Variants in ZNF710 observed in about 807,000 individuals in gnomAD.
ZNF710 encodes zinc finger protein 710.
ZNF710 carries 13 observed loss-of-function variants against 50.6 expected under a neutral mutation model. The observed-to-expected ratio is 0.26, with a 90% CI of 0.17 to 0.41. The LOEUF (loss-of-function observed/expected upper bound fraction) is 0.41, where lower values mean the gene tolerates loss of function less well. Among genes scored for constraint, ZNF710 ranks in the 10% least tolerant of loss-of-function variants. ZNF710 has a pLI of 1.00. For missense variants in ZNF710, 721 were observed against 936.6 expected (o/e 0.77, Z 3.01); for synonymous variants, 383 against 397.0 (o/e 0.96, Z 0.42).
chr15:90,068,269 C>T lies in ZNF710; in HGVS notation c.1132C>T (p.Pro378Ser). 6.2e-7 allele frequency: 1 copy of T among 1,613,224 alleles called. No individual in the cohort carries two copies. Among genetic ancestry groups the T allele is most frequent in the African/African-American group, 1.3e-5 (1 of 75,074 alleles). Reference sequence around the variant, plus strand: ...CATGCTGCTGCACTCGGAGGTCAAGCCCTACAGCTGCCACTTCTGCGGCCG... The same window carrying T: ...CATGCTGCTGCACTCGGAGGTCAAGTCCTACAGCTGCCACTTCTGCGGCCG... The part of the protein sequence containing the change: ...RHMLLHSEVK[P>S]YSCHFCGRGF... Residue 378 changes from proline to serine, a missense_variant, in exon 2 of 5, where the codon CCC (proline) becomes TCC (serine). By Grantham distance (74) the Pro-to-Ser change is moderately conservative (BLOSUM62 -1). This residue lies in a region of ZNF710 where 326 missense variants were observed against 522.0 expected (regional missense o/e 0.62). Coordinates refer to ENST00000268154, the MANE Select transcript of ZNF710 (RefSeq NM_198526.4). The surrounding 1 kb of genome is among the most constrained non-coding windows in gnomAD (Gnocchi z 5.0).
rs1567242325 is a variant in ZNF710 at position 90,068,160 on chromosome 15, CCTG to C, written c.1027_1029del (p.Leu343del). On this transcript the variant is annotated inframe_deletion, in exon 2 of 5. Transcript: ENST00000268154. The surrounding 1 kb of genome is among the most constrained non-coding windows in gnomAD (Gnocchi z 5.0). ...AGCAGCCCAGCCACCTGCAGACGCA[CCTG>C]CTGACGCACCAGGGCACCCGGCCCC... The C allele has an allele frequency of 6.2e-7, 1 of 1,614,224 alleles. No individual in the cohort carries two copies.
Position 90,068,068 on chromosome 15 carries a change from G to T in ZNF710, c.931G>T (p.Val311Leu). 6.2e-7 allele frequency: 1 copy of T among 1,614,246 alleles called. No individual in the cohort carries two copies. Among genetic ancestry groups the T allele is most frequent in the Non-Finnish European group, 8.5e-7 (1 of 1,180,046 alleles). The part of the protein sequence containing the change: ...EKSYTSKYNL[V>L]THILGHNGIK... Reference sequence around the variant, plus strand: ...GTCCTACACGTCCAAGTACAACCTGGTGACGCACATCCTGGGCCACAACGG... The same window carrying T: ...GTCCTACACGTCCAAGTACAACCTGTTGACGCACATCCTGGGCCACAACGG... Residue 311 changes from valine to leucine, a missense_variant, in exon 2 of 5, where the codon GTG becomes TTG. By Grantham distance (32) the Val-to-Leu change is conservative. Coordinates refer to ENST00000268154, the MANE Select transcript of ZNF710 (RefSeq NM_198526.4). The surrounding 1 kb of genome is among the most constrained non-coding windows in gnomAD (Gnocchi z 5.0).
At chr15:90,038,904 T>G (rs1002862574) in intron 1 of ZNF710, among the ~76,000 whole-genome samples, 1 of 152,222 alleles carries the variant, frequency 6.6e-6, no homozygotes, top group African/African-American at 2.4e-5. Context: ...TCTTTGGCTG[T>G]CTGTCCCTGT....
At chr15:90,022,651 G>A (rs1317094341) in intron 1 of ZNF710, among the ~76,000 whole-genome samples, 1 of 152,188 alleles carries the variant, frequency 6.6e-6, no homozygotes, top group Non-Finnish European at 1.5e-5. Flanking sequence ...ATCCCTATGG[G>A]GAAATCCCTT....
chr15:90,021,050 G>A (rs1880568943), intron 1 of ZNF710, among the ~76,000 whole-genome samples: 1 of 150,114 alleles, frequency 6.7e-6, no homozygotes, highest in Non-Finnish European at 1.5e-5. Flanking sequence ...CAGCTCCAAG[G>A]GTGAGGGTTT....
rs1024202820 is a variant in ZNF710 at position 90,034,602 on chromosome 15, C to A, written c.-28-32508C>A. ...CTCCCTAGCAGCAGGGGAAGCCTGG[C>A]AGCTTGGCTGAGCCTCCTCCGGCCT... On this transcript the variant is annotated intron_variant, in intron 1 of 4. Transcript: ENST00000268154. The surrounding 1 kb of genome is among the most constrained non-coding windows in gnomAD (Gnocchi z 4.0). 1.3e-5 allele frequency among the ~76,000 whole-genome samples: 2 copies of A among 152,090 alleles called. No individual in the cohort carries two copies. The highest frequency in any genetic ancestry group is 2.9e-5 in the Non-Finnish European group (2 of 68,006).
chr15:90,060,833 G>A (rs2151518575), intron 1 of ZNF710, among the ~76,000 whole-genome samples: 1 of 152,288 alleles, frequency 6.6e-6, no homozygotes, highest in East Asian at 1.9e-4. Flanking sequence ...TCCAGACTGA[G>A]CAACAGAGCA....
intron 1 of ZNF710, among the ~76,000 whole-genome samples, chr15:90,003,034 C>T (rs1441842553): frequency 6.6e-6 from 1 of 152,170 alleles, no homozygotes; most frequent in Admixed American, 6.5e-5. Context: ...CCACCACGCC[C>T]GTTTAATTTT....
chr15:90,078,134 C>A (rs767402639), intron 4 of ZNF710, among the ~76,000 whole-genome samples: 1 of 150,874 alleles, frequency 6.6e-6, no homozygotes, highest in Non-Finnish European at 1.5e-5. Flanking sequence ...TCGCTTGACC[C>A]CAGGAGGTGG....
intron 1 of ZNF710, among the ~76,000 whole-genome samples, chr15:90,013,531 G>A (rs1898370304): frequency 6.6e-6 from 1 of 152,136 alleles, no homozygotes; most frequent in South Asian, 2.1e-4. Flanking sequence ...TACCTGAAGG[G>A]CCTACAGATG....
At chr15:90,028,833 C>A (rs7171721) in intron 1 of ZNF710, among the ~76,000 whole-genome samples, 2 of 151,850 alleles carry the variant, frequency 1.3e-5, no homozygotes, top group African/African-American at 4.8e-5. Context: ...TGGAAAATTG[C>A]TTGTGGCATC....
intron 1 of ZNF710, among the ~76,000 whole-genome samples, chr15:90,024,799 C>T (rs1898726487): frequency 1.3e-5 from 2 of 152,202 alleles, no homozygotes; most frequent in Admixed American, 1.3e-4. Context: ...ACCTCCTCTC[C>T]TGAGCTGCCG....
At chr15:90,042,116 T>C (rs185907032) in intron 1 of ZNF710, among the ~76,000 whole-genome samples, 332 of 152,090 alleles carry the variant, frequency 2.2e-3, no homozygotes, top group African/African-American at 7.7e-3. Flanking sequence ...CAGGCTGGCT[T>C]GAACTCCTGA....
In ZNF710 at chr15:90,066,618, G is replaced by A. The variant is rs144072375; in HGVS notation, c.-28-492G>A. Among the ~76,000 whole-genome samples, 269 of 151,896 alleles carry A rather than the reference G, an allele frequency of 1.8e-3. 2 individuals are homozygous for A. The highest frequency in any genetic ancestry group is 6.2e-3 in the African/African-American group (259 of 41,442). The stretch of plus-strand genomic sequence containing the variant: ...TCAGCCTCCTATAGCTGGGATTACA[G>A]GTGCCGGCCACCACGCCCAGCTAAT... On this transcript the variant is annotated intron_variant, in intron 1 of 4. Transcript: ENST00000268154.
At chr15:90,018,297 T>G (rs1273414813) in intron 1 of ZNF710, among the ~76,000 whole-genome samples, 1 of 151,906 alleles carries the variant, frequency 6.6e-6, no homozygotes, top group African/African-American at 2.4e-5. Context: ...GCTTCCTGAA[T>G]AGCTGGGATC....
chr15:90,037,382 T>A (rs943370917), intron 1 of ZNF710, among the ~76,000 whole-genome samples: 1 of 152,176 alleles, frequency 6.6e-6, no homozygotes, highest in Non-Finnish European at 1.5e-5. Context: ...CAGGAACCGC[T>A]CCTTCCACTG....
At chr15:90,001,137 A>G (rs541147791), upstream of ZNF710, among the ~76,000 whole-genome samples, 19 of 152,342 alleles carry the variant, frequency 1.2e-4, no homozygotes, top group Non-Finnish European at 2.5e-4. Flanking sequence ...AACAGGAGAA[A>G]GAAAACCCTT....
At chr15:90,020,599 G>A (rs1221355032) in intron 1 of ZNF710, among the ~76,000 whole-genome samples, 3 of 152,226 alleles carry the variant, frequency 2.0e-5, no homozygotes, top group South Asian at 2.1e-4. Context: ...TGAACCTGAC[G>A]CCTCATGTGT....
intron 1 of ZNF710, among the ~76,000 whole-genome samples, chr15:90,045,692 A>G (rs1899437705): frequency 6.6e-6 from 1 of 152,096 alleles, no homozygotes; most frequent in African/African-American, 2.4e-5. Flanking sequence ...GGTGGAGGGG[A>G]CAGATATCAT....
Sources: allele counts gnomAD v4.1 joint callset (sites outside exome capture counted in the v4.1 genomes callset), GRCh38; gene constraint gnomAD v4.1.1; regional missense constraint gnomAD v4.1.1; non-coding constraint Gnocchi (gnomAD v3.1); transcripts MANE v1.5; gene names NCBI Gene and HGNC (gene_info 2026-07-23, HGNC 2026-07-21).